Variants in STARD6 observed in about 807,000 individuals in gnomAD.
STARD6 encodes StAR related lipid transfer domain containing 6.
A neutral mutation model predicts 22.3 loss-of-function variants in STARD6; 21 were observed. The ratio of observed to expected loss-of-function variants is 0.94; its 90% CI spans 0.67 to 1.35. The LOEUF (loss-of-function observed/expected upper bound fraction) is 1.35. STARD6 is among the 40% of genes most tolerant of loss of function. STARD6 has a pLI of 0.00. For synonymous variants in STARD6, 80 were observed against 88.1 expected, an observed-to-expected ratio of 0.91 and a Z score of 0.52; for missense variants, 269 against 266.9, an observed-to-expected ratio of 1.01 and a Z score of -0.05.
At chr18:54,354,698 T>G in intron 2 of STARD6, 121 bp from the exon 3 acceptor site, 2 of 675,904 alleles carry the variant, frequency 3.0e-6, no homozygotes, top group South Asian at 4.2e-5. Flanking sequence ...ACATAATTAC[T>G]TGATGAATGC....
At chr18:54,329,305 T>TA (rs769989203) in intron 7 of STARD6, 42 bp downstream of exon 7, 3 of 1,468,548 alleles carry the variant, frequency 2.0e-6, no homozygotes, top group Non-Finnish European at 9.1e-7. Flanking sequence ...CAAGTTGAAC[T>TA]AAAAAAACCT....
At chr18:54,341,918 A>G (rs996130350) in intron 4 of STARD6, among the ~76,000 whole-genome samples, 14 of 152,216 alleles carry the variant, frequency 9.2e-5, no homozygotes, top group Non-Finnish European at 1.6e-4. Flanking sequence ...AATAATAAGG[A>G]TTACAGTAGA....
intron 4 of STARD6, among the ~76,000 whole-genome samples, chr18:54,341,479 A>T (rs919041172): frequency 1.1e-4 from 17 of 152,206 alleles, no homozygotes; most frequent in Non-Finnish European, 2.2e-4. Context: ...CAGAATAGAC[A>T]TTCTTCTCAA....
chr18:54,343,469 C>A (rs1181324872), intron 4 of STARD6, among the ~76,000 whole-genome samples: 1 of 116,114 alleles, frequency 8.6e-6, no homozygotes, highest in Non-Finnish European at 1.8e-5. Flanking sequence ...AGGTGAGGGG[C>A]GCCTCTGCCC....
chr18:54,343,910 C>T (rs1336047788), intron 4 of STARD6, among the ~76,000 whole-genome samples: 14 of 39,832 alleles, frequency 3.5e-4, no homozygotes, highest in South Asian at 1.1e-3. Context: ...GGGGGGTCAG[C>T]CCCCCGCCCG....
chr18:54,334,717 A>G (rs997988248), intron 5 of STARD6, among the ~76,000 whole-genome samples: 1 of 152,018 alleles, frequency 6.6e-6, no homozygotes, highest in African/African-American at 2.4e-5. Flanking sequence ...CCAGTTCTCT[A>G]GCTATAAATT....
chr18:54,329,416 T>C lies in STARD6; in HGVS notation c.410A>G (p.Tyr137Cys). ...GCGGATATAATTTGAAGATGGAGGA[T>C]ATTCTGGAAAATCCACACTTTTAGC... Reference protein sequence around the residue: ...ISSKSVDFPEYPPSSNYIRGY... With the variant: ...ISSKSVDFPECPPSSNYIRGY... The change falls in exon 7 of 8, where the codon TAT becomes TGT. Residue 137 changes from tyrosine to cysteine, a missense_variant. Coordinates refer to ENST00000307844, the MANE Select transcript of STARD6 (RefSeq NM_139171.2). 6.2e-7 allele frequency: 1 copy of C among 1,603,110 alleles called. No homozygotes were observed. Among genetic ancestry groups the C allele is most frequent in the Non-Finnish European group, 8.5e-7 (1 of 1,176,006 alleles).
Position 54,348,104 on chromosome 18 carries a change from C to G in STARD6, c.140+5950G>C, listed in dbSNP as rs1307248675. On this transcript the variant is annotated intron_variant, in intron 4 of 7. Transcript: ENST00000307844. ...TCTTCTGCTATGATTGTGAGACCTC[C>G]CCAGCTACATGGAACTGAGTCCATT... Among the ~76,000 whole-genome samples, 4 of 152,190 alleles carry G rather than the reference C, an allele frequency of 2.6e-5. No homozygotes were observed. The East Asian group carries it at 7.7e-4, about 29-fold the overall frequency.
At chr18:54,349,695 A>T (rs2089076328) in intron 4 of STARD6, among the ~76,000 whole-genome samples, 1 of 152,066 alleles carries the variant, frequency 6.6e-6, no homozygotes, top group South Asian at 2.1e-4. Context: ...CCATTATATC[A>T]TTCTTATGCC....
At chr18:54,346,603 G>T (rs2144689584) in intron 4 of STARD6, among the ~76,000 whole-genome samples, 1 of 151,952 alleles carries the variant, frequency 6.6e-6, no homozygotes, top group African/African-American at 2.4e-5. Context: ...ACAAAAATTT[G>T]TACACAAATT....
At chr18:54,326,057 T>C (rs1199152830) in intron 7 of STARD6, among the ~76,000 whole-genome samples, 1 of 152,210 alleles carries the variant, frequency 6.6e-6, no homozygotes, top group African/African-American at 2.4e-5. Flanking sequence ...CGTAATCAGA[T>C]CTGTAAATAT....
At chr18:54,341,868 A>G (rs1350346141) in intron 4 of STARD6, among the ~76,000 whole-genome samples, 2 of 152,210 alleles carry the variant, frequency 1.3e-5, no homozygotes, top group African/African-American at 4.8e-5. Flanking sequence ...AAACTAGAAA[A>G]TGAAGAGCAA....
chr18:54,324,973 C>T (rs1322881971), intron 7 of STARD6, 98 bp from the exon 8 acceptor site: 5 of 916,236 alleles, frequency 5.5e-6, no homozygotes, highest in Admixed American at 3.6e-5. Flanking sequence ...TCTTATTCAC[C>T]GTTGACATAC....
intron 5 of STARD6, among the ~76,000 whole-genome samples, chr18:54,334,297 A>C (rs1186303815): frequency 1.3e-5 from 2 of 152,166 alleles, no homozygotes; most frequent in African/African-American, 4.8e-5. Context: ...TCGTAGCCTC[A>C]TAACTGTTTT....
In STARD6 at chr18:54,353,568, A is replaced by G. The variant is rs144371288; in HGVS notation, c.140+486T>C. ...CCAGTTATTCAGGAGGCCGAGGCGGAAGGACTGCTTGAGCCCAGAAGGCAC... is the reference window on the plus strand; with the variant it reads ...CCAGTTATTCAGGAGGCCGAGGCGGGAGGACTGCTTGAGCCCAGAAGGCAC... On this transcript the variant is annotated intron_variant, in intron 4 of 7. Transcript: ENST00000307844. Among the ~76,000 whole-genome samples, 6 of 152,232 alleles carry G rather than the reference A, an allele frequency of 3.9e-5. No homozygotes were observed. The East Asian group carries it at 1.2e-3, about 29-fold the overall frequency.
chr18:54,325,251 T>C (rs1471584675), intron 7 of STARD6, among the ~76,000 whole-genome samples: 2 of 152,068 alleles, frequency 1.3e-5, no homozygotes, highest in South Asian at 2.1e-4. Context: ...TCTCTCTATA[T>C]ATATACACAA....
chr18:54,331,613 T>C, intron 6 of STARD6, 129 bp downstream of exon 6: 1 of 677,146 alleles, frequency 1.5e-6, no homozygotes, highest in East Asian at 2.8e-5. Flanking sequence ...CGTCTAATTG[T>C]TGATCCCACT....
chr18:54,346,144 A>G (rs961463909), intron 4 of STARD6, among the ~76,000 whole-genome samples: 1 of 152,158 alleles, frequency 6.6e-6, no homozygotes, highest in African/African-American at 2.4e-5. Flanking sequence ...ACAGAATGGG[A>G]GAAAATAGTC....
At chr18:54,355,869 A>C (rs929961622) in intron 2 of STARD6, 1 of 152,194 alleles carries the variant, frequency 6.6e-6, no homozygotes, top group Non-Finnish European at 1.5e-5. Context: ...TAAGGTGAAA[A>C]CAGAACTGGA....
Sources: allele counts gnomAD v4.1 joint callset (sites outside exome capture counted in the v4.1 genomes callset), GRCh38; gene constraint gnomAD v4.1.1; transcripts MANE v1.5; gene names NCBI Gene and HGNC (gene_info 2026-07-23, HGNC 2026-07-21).